GLIS3: variants seen among roughly 807,000 people sequenced by gnomAD.
GLIS3 encodes zinc finger protein GLIS3.
A neutral mutation model predicts 78.6 loss-of-function variants in GLIS3; 53 were observed. That is an observed-to-expected ratio of 0.67 (90% confidence interval 0.54 to 0.85). GLIS3 has a LOEUF of 0.85. Among genes scored for constraint, GLIS3 ranks in the 40% least tolerant of loss-of-function variants. GLIS3 has a pLI of 0.00. For missense variants in GLIS3, 1,703 were observed against 1,231.1 expected, an observed-to-expected ratio of 1.38 and a Z score of -5.74; for synonymous variants, 684 against 509.9, an observed-to-expected ratio of 1.34 and a Z score of -4.60.
intron 6 of GLIS3, among the ~76,000 whole-genome samples, chr9:3,904,862 C>T (rs985957728): frequency 6.6e-6 from 1 of 152,102 alleles, no homozygotes; most frequent in African/African-American, 2.4e-5. Flanking sequence ...CCAAATTATG[C>T]TCTCAGACAT....
the GLIS3 span, among the ~76,000 whole-genome samples, chr9:4,373,593 G>C: frequency 2.0e-5 from 3 of 151,624 alleles, no homozygotes; most frequent in East Asian, 1.9e-4. Flanking sequence ...TTATCCTTTT[G>C]GGAGCTAAAA....
chr9:4,170,539 C>T (rs1303578200), intron 2 of GLIS3, among the ~76,000 whole-genome samples: 1 of 152,132 alleles, frequency 6.6e-6, no homozygotes, highest in African/African-American at 2.4e-5. Flanking sequence ...CATCTAGGAG[C>T]ACACTTCAAT....
chr9:4,396,208 G>A, the GLIS3 span, among the ~76,000 whole-genome samples: 2 of 152,118 alleles, frequency 1.3e-5, no homozygotes, highest in South Asian at 2.1e-4. Flanking sequence ...TACCTCTGGG[G>A]TTTAAGCGAT....
chr9:4,422,545 G>T, the GLIS3 span, among the ~76,000 whole-genome samples: 1 of 152,200 alleles, frequency 6.6e-6, no homozygotes, highest in African/African-American at 2.4e-5. Context: ...TTCTGCTGCA[G>T]TCAACCAGTC....
At chr9:3,926,263 C>G (rs1825238904) in intron 6 of GLIS3, among the ~76,000 whole-genome samples, 1 of 134,366 alleles carries the variant, frequency 7.4e-6, no homozygotes, top group Non-Finnish European at 1.6e-5. Context: ...CGGAGTCTTG[C>G]TCTGTCACCC....
At chr9:4,334,043 C>T (rs1817720356) in intron 2 of GLIS3, among the ~76,000 whole-genome samples, 1 of 152,232 alleles carries the variant, frequency 6.6e-6, no homozygotes, top group African/African-American at 2.4e-5. Flanking sequence ...CTTCATGAGG[C>T]AGACAATACT....
the GLIS3 span, among the ~76,000 whole-genome samples, chr9:4,428,969 T>G: frequency 6.6e-6 from 1 of 152,138 alleles, no homozygotes; most frequent in Non-Finnish European, 1.5e-5. Flanking sequence ...ATCTGCCCAC[T>G]CTGTCCATTT....
chr9:4,456,320 T>C, the GLIS3 span, among the ~76,000 whole-genome samples: 1 of 152,188 alleles, frequency 6.6e-6, no homozygotes, highest in Non-Finnish European at 1.5e-5. Flanking sequence ...GGTTGCTGAA[T>C]GTTGGGGTGG....
At chr9:4,184,311 T>G (rs944509348) in intron 2 of GLIS3, among the ~76,000 whole-genome samples, 1 of 152,138 alleles carries the variant, frequency 6.6e-6, no homozygotes, top group Non-Finnish European at 1.5e-5. Context: ...TGCACAAGGA[T>G]GTTGTAAAGG....
Position 3,967,020 on chromosome 9 carries a change from A to C in GLIS3, c.1711-29831T>G, listed in dbSNP as rs896965532. 2.2e-5 allele frequency among the ~76,000 whole-genome samples: 3 copies of C among 139,034 alleles called. 1 individual carries two copies. The highest frequency in any genetic ancestry group is 8.8e-5 in the African/African-American group (3 of 33,972). The allele number at this position is 139,034 out of a possible 152,430, so 91.2% of individuals were successfully genotyped here. On this transcript the variant is annotated intron_variant, in intron 4 of 10. Transcript: ENST00000381971. ...AGACAATTTCTTTCTGCAAAAAAAA[A>C]AAAAAAAAAAAAACAAAAAAACATT...
At chr9:3,937,382 T>C (rs1825957805) in intron 4 of GLIS3, among the ~76,000 whole-genome samples, 193 bp from the exon 5 acceptor site, 1 of 152,220 alleles carries the variant, frequency 6.6e-6, no homozygotes, top group Admixed American at 6.5e-5. Context: ...CCACTGAATA[T>C]ACATGCCACT....
chr9:4,252,784 G>A (rs4606114), intron 2 of GLIS3, among the ~76,000 whole-genome samples: 123,830 of 152,118 alleles, frequency 0.81, 50,922 homozygotes, highest in East Asian at 0.99. Context: ...TGACCTTTGC[G>A]TGGGGTTTTT....
chr9:4,297,864 G>C (rs751860640), intron 1 of GLIS3, among the ~76,000 whole-genome samples: 1 of 152,264 alleles, frequency 6.6e-6, no homozygotes. Context: ...GACAAGGCAG[G>C]AGGAGGGCGG....
intron 2 of GLIS3, among the ~76,000 whole-genome samples, chr9:4,183,911 C>T (rs1228502427): frequency 6.6e-6 from 1 of 152,158 alleles, no homozygotes; most frequent in Non-Finnish European, 1.5e-5. Context: ...CTGCTGCTGT[C>T]TAGCATAGTA....
At chr9:4,112,498 C>T (rs1168420173) in intron 4 of GLIS3, among the ~76,000 whole-genome samples, 1 of 152,156 alleles carries the variant, frequency 6.6e-6, no homozygotes, top group Non-Finnish European at 1.5e-5. Context: ...CTTGACTGCT[C>T]ATTAGAATCA....
intron 2 of GLIS3, among the ~76,000 whole-genome samples, chr9:4,131,409 G>C (rs1832961344): frequency 6.6e-6 from 1 of 152,168 alleles, no homozygotes; most frequent in Non-Finnish European, 1.5e-5. Flanking sequence ...ATGTTCAATT[G>C]TAATGCCCAA....
At chr9:3,860,033 T>G (rs891459775) in intron 8 of GLIS3, among the ~76,000 whole-genome samples, 9 of 151,992 alleles carry the variant, frequency 5.9e-5, no homozygotes, top group African/African-American at 2.2e-4. Context: ...CCCAGCACTT[T>G]GGGAGGCCGA....
chr9:4,438,723 G>C, the GLIS3 span, among the ~76,000 whole-genome samples: 3 of 152,146 alleles, frequency 2.0e-5, no homozygotes, highest in Non-Finnish European at 2.9e-5. Flanking sequence ...AGTCTCACAA[G>C]ATCTGATTGT....
intron 2 of GLIS3, among the ~76,000 whole-genome samples, chr9:4,183,270 G>T (rs190049575): frequency 4.1e-4 from 62 of 152,192 alleles, no homozygotes; most frequent in African/African-American, 1.4e-3. Context: ...CTGACTGTTG[G>T]GGTCACTTCA....
Sources: gnomAD v4.1 joint callset for allele counts (sites outside exome capture counted in the v4.1 genomes callset) on GRCh38, gnomAD v4.1.1 for gene constraint, MANE v1.5 for transcripts, NCBI Gene and HGNC (gene_info 2026-07-23, HGNC 2026-07-21) for gene names.